ME3: variants seen among roughly 807,000 people sequenced by gnomAD.
ME3 encodes NADP-dependent malic enzyme, mitochondrial.
A neutral mutation model predicts 68.9 loss-of-function variants in ME3; 48 were observed. That is an observed-to-expected ratio of 0.70 (90% confidence interval 0.55 to 0.89). The LOEUF (loss-of-function observed/expected upper bound fraction) is 0.89. Among genes scored for constraint, ME3 ranks in the 40% least tolerant of loss-of-function variants. The probability of loss-of-function intolerance (pLI) is 0.00; values close to 1 mark genes in which losing one functional copy is unlikely to be tolerated. For synonymous variants in ME3, 320 were observed against 318.8 expected (o/e 1.00, Z -0.04); for missense variants, 675 against 797.4 (o/e 0.85, Z 1.85).
At chr11:86,468,448 TCCATTCAC>T (rs1950604147) in intron 7 of ME3, among the ~76,000 whole-genome samples, 2 of 152,174 alleles carry the variant, frequency 1.3e-5, no homozygotes, top group Admixed American at 1.3e-4. Context: ...TATCCATCCA[TCCATTCAC>T]CCATCCATAA....
intron 2 of ME3, among the ~76,000 whole-genome samples, chr11:86,590,464 G>A (rs570737136): frequency 6.6e-6 from 1 of 152,298 alleles, no homozygotes; most frequent in African/African-American, 2.4e-5. Flanking sequence ...GGAGCAGTGG[G>A]GAAAGCTTCA....
intron 4 of ME3, among the ~76,000 whole-genome samples, chr11:86,546,193 A>T (rs1224922774): frequency 1.3e-5 from 2 of 152,250 alleles, no homozygotes; most frequent in Non-Finnish European, 2.9e-5. Flanking sequence ...TAAACGTAAG[A>T]CCTAAAACCA....
the ME3 span, chr11:86,436,012 A>T: frequency 4.6e-5 from 7 of 152,148 alleles, no homozygotes; most frequent in Non-Finnish European, 1.0e-4. Context: ...AGTGTTTCAG[A>T]CCCAAGGCAG....
chr11:86,580,338 A>G (rs1565167137), intron 2 of ME3, among the ~76,000 whole-genome samples: 1 of 152,184 alleles, frequency 6.6e-6, no homozygotes, highest in Non-Finnish European at 1.5e-5. Context: ...CCATTTGGCT[A>G]CCAGGCTTTT....
At chr11:86,603,191 C>T (rs1179660817) in intron 2 of ME3, among the ~76,000 whole-genome samples, 2 of 152,028 alleles carry the variant, frequency 1.3e-5, no homozygotes, top group Non-Finnish European at 2.9e-5. Flanking sequence ...ATTTTCGCAA[C>T]CTACTCATCT....
At chr11:86,655,902 GA>G (rs994634297) in intron 2 of ME3, among the ~76,000 whole-genome samples, 1 of 151,816 alleles carries the variant, frequency 6.6e-6, no homozygotes, top group Admixed American at 6.6e-5. Flanking sequence ...AAATTTACAA[GA>G]AAAAAACAAA....
chr11:86,615,959 T>A (rs2135230371), intron 2 of ME3, among the ~76,000 whole-genome samples: 1 of 152,352 alleles, frequency 6.6e-6, no homozygotes, highest in East Asian at 1.9e-4. Context: ...AATGCATGGA[T>A]AAGCAGAAGG....
At chr11:86,634,323 T>C (rs78109540) in intron 2 of ME3, among the ~76,000 whole-genome samples, 5,915 of 152,286 alleles carry the variant, frequency 0.039, 148 homozygotes, top group Non-Finnish European at 0.059. Flanking sequence ...CAGGACTGTC[T>C]TCTCCTTAGA....
At chr11:86,523,969 C>T (rs1042822495) in intron 4 of ME3, among the ~76,000 whole-genome samples, 1 of 152,116 alleles carries the variant, frequency 6.6e-6, no homozygotes, top group Non-Finnish European at 1.5e-5. Context: ...TAAAATGTGC[C>T]AAGAAACTCA....
intron 8 of ME3, among the ~76,000 whole-genome samples, chr11:86,451,897 C>G (rs190704379): frequency 6.6e-6 from 1 of 152,340 alleles, no homozygotes; most frequent in Non-Finnish European, 1.5e-5. Context: ...AACATGTACT[C>G]AACCACTCAG....
chr11:86,610,767 G>C (rs750708556), intron 2 of ME3, among the ~76,000 whole-genome samples: 2 of 152,198 alleles, frequency 1.3e-5, no homozygotes, highest in East Asian at 3.8e-4. Flanking sequence ...AACTGACAGA[G>C]TATTTGCTTT....
intron 2 of ME3, among the ~76,000 whole-genome samples, chr11:86,661,648 C>T: frequency 6.6e-6 from 1 of 152,184 alleles, no homozygotes; most frequent in East Asian, 1.9e-4. Flanking sequence ...CCACCTCTGA[C>T]ACTTCCACAG....
chr11:86,512,151 T>A (rs556538847), intron 4 of ME3, among the ~76,000 whole-genome samples: 2 of 152,310 alleles, frequency 1.3e-5, no homozygotes, highest in African/African-American at 4.8e-5. Flanking sequence ...GTCTGTACAG[T>A]GGGCAAGAAG....
At chr11:86,657,614 A>G (rs1476233724) in intron 2 of ME3, among the ~76,000 whole-genome samples, 1 of 152,200 alleles carries the variant, frequency 6.6e-6, no homozygotes, top group Non-Finnish European at 1.5e-5. Context: ...GAACTTCAGT[A>G]TAATAATAAA....
At chr11:86,514,911 A>G (rs1397687039) in intron 4 of ME3, among the ~76,000 whole-genome samples, 1 of 152,210 alleles carries the variant, frequency 6.6e-6, no homozygotes, top group Non-Finnish European at 1.5e-5. Flanking sequence ...GATGCTGGCA[A>G]AATGTCCAGA....
chr11:86,671,339 A>AT (rs761380570), intron 2 of ME3, among the ~76,000 whole-genome samples: 1 of 152,130 alleles, frequency 6.6e-6, no homozygotes, highest in Non-Finnish European at 1.5e-5. Flanking sequence ...ACGTACCCCC[A>AT]TTTTCTACCC....
intron 2 of ME3, among the ~76,000 whole-genome samples, chr11:86,643,311 C>T (rs1944785255): frequency 3.9e-5 from 1 of 25,366 alleles, no homozygotes; most frequent in South Asian, 1.2e-3. Context: ...CAGCCCATGC[C>T]CCCTACCCAT....
chr11:86,664,419 T>G (rs1482095778), intron 2 of ME3, among the ~76,000 whole-genome samples: 2 of 152,218 alleles, frequency 1.3e-5, no homozygotes, highest in Non-Finnish European at 2.9e-5. Context: ...CACAAATGCT[T>G]ACTTAACACG....
At chr11:86,560,748 G>GTATATATATATATATATATA (rs142056305) in intron 2 of ME3, among the ~76,000 whole-genome samples, 62 of 62,470 alleles carry the variant, frequency 9.9e-4, no homozygotes, top group Middle Eastern at 7.1e-3. Flanking sequence ...GTGTGTGTGT[G>GTATATATATATATATATATA]TATATATATA....
Sources: allele counts gnomAD v4.1 joint callset (sites outside exome capture counted in the v4.1 genomes callset), GRCh38; gene constraint gnomAD v4.1.1; transcripts MANE v1.5; gene names NCBI Gene and HGNC (gene_info 2026-07-23, HGNC 2026-07-21).